The following FUT9 variants were observed in gnomAD, a reference collection of about 807,000 sequenced individuals.
FUT9 encodes the protein fucosyltransferase 9, also known as 4-galactosyl-N-acetylglucosaminide 3-alpha-L-fucosyltransferase 9.
FUT9 carries 15 observed loss-of-function variants against 29.7 expected under a neutral mutation model. The observed-to-expected ratio is 0.51, with a 90% CI of 0.34 to 0.78. FUT9 has a LOEUF of 0.78. Among genes scored for constraint, FUT9 ranks in the 30% least tolerant of loss-of-function variants. FUT9 has a pLI of 0.01. For synonymous variants in FUT9, 169 were observed against 153.7 expected, an observed-to-expected ratio of 1.10 and a Z score of -0.74; for missense variants, 319 against 425.4, an observed-to-expected ratio of 0.75 and a Z score of 2.20.
chr6:96,136,809 G>A (rs34041491), intron 2 of FUT9, among the ~76,000 whole-genome samples: 28,207 of 151,820 alleles, frequency 0.19, 2,962 homozygotes, highest in East Asian at 0.45. Flanking sequence ...AAAAATAATT[G>A]CGAGGCTACT....
intron 2 of FUT9, among the ~76,000 whole-genome samples, chr6:96,200,421 G>A (rs1018844688): frequency 6.6e-6 from 1 of 152,098 alleles, no homozygotes; most frequent in Non-Finnish European, 1.5e-5. Context: ...GGTTAAGCTG[G>A]TTACTTGTAT....
chr6:96,130,742 C>T (rs1342780450), intron 2 of FUT9, among the ~76,000 whole-genome samples: 7 of 152,030 alleles, frequency 4.6e-5, no homozygotes, highest in Admixed American at 3.3e-4. Context: ...ACATGTTTTC[C>T]AACTTAGTTT....
chr6:96,151,367 A>T (rs1388348446), intron 2 of FUT9, among the ~76,000 whole-genome samples: 1 of 152,202 alleles, frequency 6.6e-6, no homozygotes, highest in African/African-American at 2.4e-5. Flanking sequence ...TGTAACAGAG[A>T]GAAATGAAAA....
At chr6:96,168,005 C>T (rs570806091) in intron 2 of FUT9, among the ~76,000 whole-genome samples, 120 of 152,212 alleles carry the variant, frequency 7.9e-4, no homozygotes, top group Middle Eastern at 3.4e-3. Context: ...TGGATACACA[C>T]GCAAGAGAAG....
chr6:96,033,222 C>T (rs1770294194), intron 1 of FUT9, among the ~76,000 whole-genome samples: 1 of 151,598 alleles, frequency 6.6e-6, no homozygotes, highest in African/African-American at 2.4e-5. Flanking sequence ...TAACCACTGC[C>T]AAGCTTTGTT....
intron 1 of FUT9, among the ~76,000 whole-genome samples, chr6:96,066,312 A>G (rs760461850): frequency 3.4e-5 from 5 of 148,548 alleles, no homozygotes; most frequent in Non-Finnish European, 7.4e-5. Context: ...GTATATCAAT[A>G]TAATATTGAT....
At chr6:96,143,576 CTTA>C (rs1294672787) in intron 2 of FUT9, among the ~76,000 whole-genome samples, 1 of 151,300 alleles carries the variant, frequency 6.6e-6, no homozygotes, top group Non-Finnish European at 1.5e-5. Flanking sequence ...TTTCCTTCTT[CTTA>C]TTTTTAATAT....
At position 96,164,253 on chromosome 6, in the gene FUT9, C is replaced by CTTTTTTTTTTTTT. The variant is rs57049980; in HGVS notation, c.-8-38886_-8-38874dup. 1.9e-5 allele frequency among the ~76,000 whole-genome samples: 2 copies of CTTTTTTTTTTTTT among 105,786 alleles called. 1 individual carries two copies. 69.4% of individuals were successfully genotyped at this position (105,786 alleles called of 152,430 possible). A position where few individuals can be genotyped will look rare whatever the true frequency, so the allele number is the denominator to read the frequency against. ...ATAAACAGTTTTGGAGATCCAGGTTCTTTTTTTTTTTTTTTTTTTTTGAGA... is the reference window on the plus strand; with the variant it reads ...ATAAACAGTTTTGGAGATCCAGGTTCTTTTTTTTTTTTTTTTTTTTTTTTTTTTTTTTTTGAGA... On this transcript the variant is annotated intron_variant, in intron 2 of 2. Coordinates refer to ENST00000302103, the MANE Select transcript of FUT9 (RefSeq NM_006581.4).
chr6:96,082,098 C>T (rs1771246611), intron 1 of FUT9, among the ~76,000 whole-genome samples: 1 of 151,742 alleles, frequency 6.6e-6, no homozygotes, highest in Admixed American at 6.6e-5. Flanking sequence ...ATACCTTCTT[C>T]CAGTTCAGGT....
chr6:96,051,012 C>CTGTGTG (rs57618987), intron 1 of FUT9, among the ~76,000 whole-genome samples: 12 of 149,654 alleles, frequency 8.0e-5, no homozygotes, highest in South Asian at 6.4e-4. Flanking sequence ...CTCTCTCTCT[C>CTGTGTG]TGTGTGTGTG....
intron 1 of FUT9, chr6:96,037,223 T>A (rs989974948): frequency 6.6e-6 from 1 of 152,034 alleles, no homozygotes; most frequent in Non-Finnish European, 1.5e-5. Context: ...AAGTGGGTAG[T>A]GATTGAATCA....
Position 96,204,318 on chromosome 6 carries a change from T to C in FUT9, c.*83T>C, listed in dbSNP as rs1773787432. Reference sequence around the variant, plus strand: ...GAGGATAAGAAGAGATGCAACATACTACTTTTGTGTCACAATTTATTTTTA... The same window carrying C: ...GAGGATAAGAAGAGATGCAACATACCACTTTTGTGTCACAATTTATTTTTA... On this transcript the variant is annotated 3_prime_UTR_variant, in exon 3 of 3. Coordinates refer to ENST00000302103, the MANE Select transcript of FUT9 (RefSeq NM_006581.4). 4.2e-6 allele frequency: 4 copies of C among 950,876 alleles called. No homozygotes were observed. The African/African-American group carries it at 6.6e-5, about 16-fold the overall frequency. The allele number at this position is 950,876 out of a possible 1,614,324, so 58.9% of individuals were successfully genotyped here.
At chr6:96,058,468 C>CATAAAAA (rs376198189) in intron 1 of FUT9, among the ~76,000 whole-genome samples, 2 of 77,170 alleles carry the variant, frequency 2.6e-5, no homozygotes, top group African/African-American at 1.2e-4. Flanking sequence ...GGCTTTATTC[C>CATAAAAA]AAAAAAAAAA....
At chr6:96,089,329 T>G (rs1273613203) in intron 1 of FUT9, among the ~76,000 whole-genome samples, 1 of 152,128 alleles carries the variant, frequency 6.6e-6, no homozygotes, top group Non-Finnish European at 1.5e-5. Flanking sequence ...GTTCCTAACA[T>G]TTGTCTTCTC....
At chr6:96,038,397 A>T (rs1035552161) in intron 1 of FUT9, among the ~76,000 whole-genome samples, 2 of 152,164 alleles carry the variant, frequency 1.3e-5, no homozygotes, top group Non-Finnish European at 2.9e-5. Flanking sequence ...ACAAGCCAAA[A>T]CCCATTTTTA....
chr6:96,026,760 C>A (rs1288230176), intron 1 of FUT9, among the ~76,000 whole-genome samples: 1 of 151,638 alleles, frequency 6.6e-6, no homozygotes, highest in Non-Finnish European at 1.5e-5. Context: ...ACATGCCTTT[C>A]TTTGTATTAA....
chr6:96,048,421 C>T (rs1430088740), intron 1 of FUT9, among the ~76,000 whole-genome samples: 1 of 152,080 alleles, frequency 6.6e-6, no homozygotes, highest in Non-Finnish European at 1.5e-5. Flanking sequence ...TACATGCCTA[C>T]CACTGTTACT....
intron 1 of FUT9, among the ~76,000 whole-genome samples, chr6:96,113,531 G>A (rs575837304): frequency 2.0e-5 from 3 of 150,638 alleles, no homozygotes; most frequent in South Asian, 2.2e-4. Context: ...GAGACATTGC[G>A]CCCGACCATC....
chr6:96,043,731 G>T (rs910017806), intron 1 of FUT9, among the ~76,000 whole-genome samples: 1 of 152,152 alleles, frequency 6.6e-6, no homozygotes, highest in African/African-American at 2.4e-5. Flanking sequence ...TCCCACAGGG[G>T]CTTTTTGTAA....
Sources: gnomAD v4.1 joint callset for allele counts (sites outside exome capture counted in the v4.1 genomes callset) on GRCh38, gnomAD v4.1.1 for gene constraint, MANE v1.5 for transcripts, NCBI Gene and HGNC (gene_info 2026-07-23, HGNC 2026-07-21) for gene names.